Variants in ANKRD55 observed in about 807,000 individuals in gnomAD.
ANKRD55 encodes the protein ankyrin repeat domain 55, also known as ankyrin repeat domain-containing protein 55.
Under a neutral mutation model 60.6 loss-of-function variants are expected in ANKRD55, and 41 were observed. The ratio of observed to expected loss-of-function variants is 0.68; its 90% confidence interval spans 0.53 to 0.88. ANKRD55 has a LOEUF of 0.88. Ranked by LOEUF, ANKRD55 falls within the 40% of genes least tolerant of loss-of-function variation. ANKRD55 has a pLI of 0.00. For synonymous variants in ANKRD55, 264 were observed against 290.3 expected, an observed-to-expected ratio of 0.91 and a Z score of 0.92; for missense variants, 732 against 767.6, an observed-to-expected ratio of 0.95 and a Z score of 0.55.
Position 56,099,943 on chromosome 5 carries a change from T to C in ANKRD55, c.*240A>G, listed in dbSNP as rs1756218753. The stretch of plus-strand genomic sequence containing the variant: ...TTTCCTACTGATAACATATTTTGTC[T>C]TTTAATTTTGGCATGTGGAAGTCAC... On this transcript the variant is annotated 3_prime_UTR_variant, in exon 12 of 12. Coordinates refer to ENST00000341048, the MANE Select transcript of ANKRD55 (RefSeq NM_024669.3). The C allele has an allele frequency of 2.1e-6, 1 of 470,510 alleles. No homozygotes were observed. The highest frequency in any genetic ancestry group is 3.8e-6 in the Non-Finnish European group (1 of 264,904). The allele number at this position is 470,510 out of a possible 1,614,324, so 29.1% of individuals were successfully genotyped here. A position where few individuals can be genotyped will look rare whatever the true frequency, so the allele number is the denominator to read the frequency against.
Position 56,100,214 on chromosome 5 carries a change from T to C in ANKRD55, c.1814A>G (p.His605Arg). The stretch of plus-strand genomic sequence containing the variant: ...TTCATCACTGGTGGGGTTGGCAGAA[T>C]GTTCACTCTCTTCTGCTGCTGTGCT... ...RHSTAAEESE[H>R]SANPTSDEN The change falls in exon 12 of 12, where the codon CAT becomes CGT. Residue 605 changes from histidine to arginine, a missense_variant. By Grantham distance (29) the His-to-Arg change is conservative. Around this residue, in one of 3 missense-constraint regions of ANKRD55, gnomAD observed 597 missense variants for 607.5 expected, o/e 0.98. Transcript: ENST00000341048. 1.2e-6 allele frequency: 2 copies of C among 1,614,204 alleles called. No individual in the cohort carries two copies.
At chr5:56,113,140 C>T (rs1231376715) in intron 9 of ANKRD55, among the ~76,000 whole-genome samples, 2 of 152,144 alleles carry the variant, frequency 1.3e-5, no homozygotes, top group Non-Finnish European at 2.9e-5. Context: ...TGCTTTAGGC[C>T]TCTGGGTCTC....
At position 56,183,607 on chromosome 5, in the gene ANKRD55, G is replaced by A; in HGVS notation, c.86C>T (p.Thr29Ile). The A allele has an allele frequency of 6.2e-7, 1 of 1,614,192 alleles. No individual in the cohort carries two copies. The highest frequency in any genetic ancestry group is 8.5e-7 in the Non-Finnish European group (1 of 1,180,030). ...RGDSSEEVDL[T>I]MVYQAASNGD... is the part of the protein sequence containing the mutation. ...ATTAGAGGCTGCTTGATAAACCATGGTCAGGTCAACTTCCTCAGATGAGTC... is the reference window on the plus strand; with the variant it reads ...ATTAGAGGCTGCTTGATAAACCATGATCAGGTCAACTTCCTCAGATGAGTC... Residue 29 changes from threonine (T) to isoleucine (I), a missense_variant, in exon 3 of 12, where the codon ACC becomes ATC. This residue lies in a region of ANKRD55 where 131 missense variants were observed against 142.7 expected (regional missense o/e 0.92). Coordinates refer to ENST00000341048, the MANE Select transcript of ANKRD55 (RefSeq NM_024669.3).
chr5:56,119,304 A>G (rs1756972342), intron 8 of ANKRD55, among the ~76,000 whole-genome samples: 1 of 152,204 alleles, frequency 6.6e-6, no homozygotes, highest in Non-Finnish European at 1.5e-5. Flanking sequence ...GCATTCTGCT[A>G]AGTGAAATAA....
chr5:56,208,873 A>G (rs1467879761), intron 2 of ANKRD55, among the ~76,000 whole-genome samples: 3 of 152,176 alleles, frequency 2.0e-5, no homozygotes, highest in Non-Finnish European at 4.4e-5. Flanking sequence ...TCATAATCTT[A>G]TGGAACCACC....
chr5:56,191,649 G>A (rs1759094864), intron 2 of ANKRD55, among the ~76,000 whole-genome samples: 1 of 152,180 alleles, frequency 6.6e-6, no homozygotes, highest in Non-Finnish European at 1.5e-5. Context: ...TCCTGTCACT[G>A]AAGATGACCT....
chr5:56,132,656 C>T (rs1417338445), intron 7 of ANKRD55, among the ~76,000 whole-genome samples: 1 of 150,284 alleles, frequency 6.7e-6, no homozygotes, highest in African/African-American at 2.4e-5. Context: ...ATCGATGTTA[C>T]TCTAACTATA....
At chr5:56,152,633 A>G (rs192608624) in intron 6 of ANKRD55, among the ~76,000 whole-genome samples, 5 of 152,334 alleles carry the variant, frequency 3.3e-5, no homozygotes, top group Admixed American at 6.5e-5. Flanking sequence ...GATTCTTCTG[A>G]GGTCCTGTTT....
At chr5:56,175,839 T>C (rs1758725083) in intron 4 of ANKRD55, among the ~76,000 whole-genome samples, 1 of 152,176 alleles carries the variant, frequency 6.6e-6, no homozygotes, top group East Asian at 1.9e-4. Context: ...GAGATTGTTT[T>C]TAGAAGCACC....
chr5:56,168,547 G>A lies in ANKRD55; in HGVS notation c.422+2147C>T, dbSNP rs190578895. On this transcript the variant is annotated intron_variant, in intron 5 of 11. Transcript: ENST00000341048. The stretch of plus-strand genomic sequence containing the variant: ...ATTGTTCTATTTTATTATTATTGTT[G>A]TTAATCTCTTACTGCGCCTAATTTG... Among the ~76,000 whole-genome samples, 18 of 152,282 alleles carry A rather than the reference G, an allele frequency of 1.2e-4. No individual in the cohort carries two copies. The East Asian group carries it at 3.3e-3, about 28-fold the overall frequency.
intron 2 of ANKRD55, among the ~76,000 whole-genome samples, chr5:56,221,324 T>C (rs1313425280): frequency 1.3e-5 from 2 of 152,222 alleles, no homozygotes; most frequent in African/African-American, 2.4e-5. Context: ...AGCATTCCCA[T>C]TTTAGATGAG....
chr5:56,102,552 G>C lies in ANKRD55; in HGVS notation c.1665C>G (p.His555Gln). The change falls in exon 11 of 12, where the codon CAC becomes CAG. Residue 555 changes from histidine (H) to glutamine (Q), a missense_variant. This residue lies in a region of ANKRD55 where 597 missense variants were observed against 607.5 expected (regional missense o/e 0.98). Coordinates refer to ENST00000341048, the MANE Select transcript of ANKRD55 (RefSeq NM_024669.3). Reference protein sequence around the residue: ...QNFQHLSPNRHKIRDLPFTRN... With the variant: ...QNFQHLSPNRQKIRDLPFTRN... Reference sequence around the variant, plus strand: ...GAGTGAAAGGAAGATCCCTGATTTTGTGTCTGTTTGGGGAAAGATGCTGAA... The same window carrying C: ...GAGTGAAAGGAAGATCCCTGATTTTCTGTCTGTTTGGGGAAAGATGCTGAA... 1 of 1,613,676 alleles carries C rather than the reference G, an allele frequency of 6.2e-7. No homozygotes were observed. Among genetic ancestry groups the C allele is most frequent in the Non-Finnish European group, 8.5e-7 (1 of 1,179,732 alleles).
chr5:56,131,625 G>GTC (rs1757415050), intron 7 of ANKRD55, among the ~76,000 whole-genome samples: 1 of 151,554 alleles, frequency 6.6e-6, no homozygotes, highest in African/African-American at 2.4e-5. Flanking sequence ...GAGAAACCCC[G>GTC]TCTCTGCTAA....
intron 7 of ANKRD55, chr5:56,137,467 T>C: frequency 1.2e-6 from 1 of 807,686 alleles, no homozygotes; most frequent in Non-Finnish European, 2.2e-6. Context: ...GAAGAGGAGA[T>C]TGCCCAGAAG....
intron 10 of ANKRD55, among the ~76,000 whole-genome samples, chr5:56,107,815 G>A (rs956056030): frequency 5.3e-5 from 8 of 151,978 alleles, no homozygotes; most frequent in Non-Finnish European, 1.0e-4. Flanking sequence ...TGATTGTGGA[G>A]CCACCAAATG....
chr5:56,132,358 AT>A (rs1723969674), intron 7 of ANKRD55, among the ~76,000 whole-genome samples: 1 of 151,670 alleles, frequency 6.6e-6, no homozygotes, highest in Non-Finnish European at 1.5e-5. Context: ...GCATGGGCGG[AT>A]CACAAGGTCA....
intron 2 of ANKRD55, among the ~76,000 whole-genome samples, chr5:56,216,675 G>T (rs1360827432): frequency 6.6e-6 from 1 of 152,178 alleles, no homozygotes. Flanking sequence ...GACCAATCTA[G>T]CCGCCACATT....
chr5:56,120,027 C>T (rs1217817048), intron 8 of ANKRD55, among the ~76,000 whole-genome samples: 1 of 149,550 alleles, frequency 6.7e-6, no homozygotes, highest in African/African-American at 2.4e-5. Context: ...ACATAGCCAA[C>T]TTTTCTCAAC....
intron 7 of ANKRD55, among the ~76,000 whole-genome samples, chr5:56,140,291 C>A (rs1204844433): frequency 6.6e-6 from 1 of 152,158 alleles, no homozygotes; most frequent in Non-Finnish European, 1.5e-5. Flanking sequence ...TGGAATTACC[C>A]TCAGTCTTTG....
Sources: allele counts gnomAD v4.1 joint callset (sites outside exome capture counted in the v4.1 genomes callset), GRCh38; gene constraint gnomAD v4.1.1; regional missense constraint gnomAD v4.1.1; transcripts MANE v1.5; gene names NCBI Gene and HGNC (gene_info 2026-07-23, HGNC 2026-07-21).